Variants in ZMAT1 observed in about 807,000 individuals in gnomAD.
The protein encoded by ZMAT1 is zinc finger matrin-type 1.
Under a neutral mutation model 18.5 loss-of-function variants are expected in ZMAT1, and 11 were observed. That is an observed-to-expected ratio of 0.59 (90% CI 0.37 to 0.98). ZMAT1 has a LOEUF of 0.98. ZMAT1 is among the 50% of genes least tolerant of loss of function. ZMAT1 has a pLI of 0.01. For synonymous variants in ZMAT1, 211 were observed against 176.4 expected (o/e 1.20, Z -1.55); for missense variants, 525 against 496.2 (o/e 1.06, Z -0.55).
chrX:101,903,831 G>A (rs1384559368), intron 2 of ZMAT1, among the ~76,000 whole-genome samples: 3 of 111,703 alleles, frequency 2.7e-5, no homozygotes, highest in Admixed American at 1.9e-4. Context: ...AGACTGGTTC[G>A]TTTTGTTTTT....
chrX:101,922,670 G>C (rs912156894), intron 1 of ZMAT1, among the ~76,000 whole-genome samples: 28 of 111,457 alleles, frequency 2.5e-4, no homozygotes, highest in Non-Finnish European at 1.1e-4. Flanking sequence ...TGGGATTACA[G>C]GCAAGGCTAA....
intron 1 of ZMAT1, among the ~76,000 whole-genome samples, chrX:101,908,320 A>T (rs891143223): frequency 3.6e-5 from 4 of 111,894 alleles, no homozygotes; most frequent in Non-Finnish European, 5.6e-5. Flanking sequence ...TTTAATACGA[A>T]TAAGTAAATA....
chrX:101,890,994 T>A (rs939888393), intron 4 of ZMAT1, among the ~76,000 whole-genome samples: 2 of 111,518 alleles, frequency 1.8e-5, no homozygotes, highest in African/African-American at 6.5e-5. Context: ...ATTCTGTGCT[T>A]TGGGAAACCT....
At position 101,883,410 on chromosome X, in the gene ZMAT1, G is replaced by T. The variant is rs1468336673; in HGVS notation, c.*100C>A. 7.6e-6 allele frequency: 5 copies of T among 660,455 alleles called. No individual in the cohort carries two copies. In the African/African-American group the frequency reaches 9.3e-5, roughly 12 times the overall value. 54.4% of individuals were successfully genotyped at this position (660,455 alleles called of 1,213,427 possible). On this transcript the variant is annotated 3_prime_UTR_variant, in exon 6 of 6. Coordinates refer to ENST00000651725, the MANE Select transcript of ZMAT1 (RefSeq NM_001394560.1). ...TAAGTGTCCTGAAGTGACACTGACTGTATCTACCTCTCCTTTTCTTCATCA... is the reference window on the plus strand; with the variant it reads ...TAAGTGTCCTGAAGTGACACTGACTTTATCTACCTCTCCTTTTCTTCATCA...
intron 4 of ZMAT1, among the ~76,000 whole-genome samples, chrX:101,893,811 A>T (rs1190248327): frequency 9.0e-6 from 1 of 111,045 alleles, no homozygotes; most frequent in Admixed American, 9.6e-5. Context: ...GATATTCCAG[A>T]CAAAGTGGCA....
intron 5 of ZMAT1, among the ~76,000 whole-genome samples, chrX:101,885,331 A>G (rs1487435302): frequency 9.0e-6 from 1 of 111,637 alleles, no homozygotes; most frequent in Non-Finnish European, 1.9e-5. Flanking sequence ...TATAAATGTG[A>G]TATGTGTTTA....
At position 101,883,958 on chromosome X, in the gene ZMAT1, T is replaced by G; in HGVS notation, c.1640A>C (p.Asp547Ala). 1 of 1,211,069 alleles carries G rather than the reference T, an allele frequency of 8.3e-7. No individual in the cohort carries two copies. The highest frequency in any genetic ancestry group is 1.1e-6 in the Non-Finnish European group (1 of 895,219). The change falls in exon 6 of 6, where the codon GAC (aspartate) becomes GCC (alanine). Residue 547 changes from aspartate (D) to alanine (A), a missense_variant. Physicochemically the swap from Asp to Ala is moderately radical, Grantham distance 126 (BLOSUM62 -2). Coordinates refer to ENST00000651725, the MANE Select transcript of ZMAT1 (RefSeq NM_001394560.1). ...GGGTACTGGTTTTTCTGGGAAACAGTCTCTGGTGAGTTGACAGTAGCTAAT... is the reference window on the plus strand; with the variant it reads ...GGGTACTGGTTTTTCTGGGAAACAGGCTCTGGTGAGTTGACAGTAGCTAAT... ...DSISYCQLTR[D>A]CFPEKPVPLS...
At chrX:101,923,893 A>C (rs1929885755) in intron 1 of ZMAT1, among the ~76,000 whole-genome samples, 1 of 111,755 alleles carries the variant, frequency 8.9e-6, no homozygotes, top group Non-Finnish European at 1.9e-5. Flanking sequence ...TTAGAATATC[A>C]AATGACAACA....
At chrX:101,909,102 G>A (rs1321796946) in intron 1 of ZMAT1, among the ~76,000 whole-genome samples, 2 of 109,754 alleles carry the variant, frequency 1.8e-5, no homozygotes, top group Non-Finnish European at 3.8e-5. Flanking sequence ...TAGAGCACCA[G>A]TCAGAGCTGT....
At chrX:101,889,351 G>A (rs1382880078) in intron 4 of ZMAT1, 2 of 110,715 alleles carry the variant, frequency 1.8e-5, no homozygotes, top group Non-Finnish European at 1.9e-5. Context: ...TTGTTTCTGA[G>A]TTCACCCAGA....
chrX:101,897,737 GGAA>G (rs902254600), intron 4 of ZMAT1, 128 bp downstream of exon 4: 4 of 521,171 alleles, frequency 7.7e-6, no homozygotes, highest in Admixed American at 4.0e-5. Context: ...AGATTAACTG[GGAA>G]GAAGAATAAT....
At chrX:101,929,119 T>G (rs1187863962) in intron 1 of ZMAT1, among the ~76,000 whole-genome samples, 1 of 109,839 alleles carries the variant, frequency 9.1e-6, no homozygotes, top group East Asian at 2.8e-4. Context: ...TAATCTCCAT[T>G]GACATTTGTT....
At chrX:101,885,251 G>A (rs1417549688) in intron 5 of ZMAT1, among the ~76,000 whole-genome samples, 1 of 112,205 alleles carries the variant, frequency 8.9e-6, no homozygotes, top group East Asian at 2.8e-4. Context: ...AATATTTAAT[G>A]TCCTGACAGA....
chrX:101,914,617 T>C (rs1441443964), intron 1 of ZMAT1, among the ~76,000 whole-genome samples: 1 of 111,066 alleles, frequency 9.0e-6, no homozygotes, highest in Non-Finnish European at 1.9e-5. Context: ...ACAAATTCCT[T>C]GATAGATACA....
Position 101,904,301 on chromosome X carries a change from C to T in ZMAT1, c.322G>A (p.Glu108Lys). The T allele has an allele frequency of 8.3e-7, 1 of 1,205,769 alleles. No individual in the cohort carries two copies. Among genetic ancestry groups the T allele is most frequent in the South Asian group, 1.8e-5 (1 of 55,493 alleles). Residue 108 changes from glutamate (E) to lysine (K), a missense_variant, in exon 2 of 6, where the codon GAA (glutamate) becomes AAA (lysine). Physicochemically the swap from Glu to Lys is moderately conservative, Grantham distance 56. Coordinates refer to ENST00000651725, the MANE Select transcript of ZMAT1 (RefSeq NM_001394560.1). ...TGACAAAACTTATCTGTAAAAAGTT[C>T]AGCCTTTTCCTGTTCATTCCAAATG... ...DAIWNEQEKA[E>K]LFTDKFCQVC...
At chrX:101,908,936 G>A (rs1296559045) in intron 1 of ZMAT1, among the ~76,000 whole-genome samples, 1 of 110,179 alleles carries the variant, frequency 9.1e-6, no homozygotes, top group Non-Finnish European at 1.9e-5. Flanking sequence ...ACCAGCTGGG[G>A]CAGCCAAGGA....
At chrX:101,928,031 G>A (rs1461199718) in intron 1 of ZMAT1, among the ~76,000 whole-genome samples, 3 of 111,452 alleles carry the variant, frequency 2.7e-5, no homozygotes, top group Non-Finnish European at 5.7e-5. Flanking sequence ...CTATTCTTCC[G>A]TCACACCATT....
At chrX:101,922,565 G>C (rs1030690889) in intron 1 of ZMAT1, among the ~76,000 whole-genome samples, 4 of 110,437 alleles carry the variant, frequency 3.6e-5, no homozygotes, top group Non-Finnish European at 5.7e-5. Context: ...ACTAATTTTT[G>C]TATTTTTAGT....
intron 1 of ZMAT1, among the ~76,000 whole-genome samples, chrX:101,922,581 C>T (rs191766239): frequency 7.1e-4 from 78 of 110,415 alleles, no homozygotes; most frequent in African/African-American, 1.5e-3. Flanking sequence ...TTAGTAGAGA[C>T]GGGATTTCAT....
Sources: allele counts gnomAD v4.1 joint callset (sites outside exome capture counted in the v4.1 genomes callset), GRCh38; gene constraint gnomAD v4.1.1; transcripts MANE v1.5; gene names NCBI Gene and HGNC (gene_info 2026-07-23, HGNC 2026-07-21).